The following CPNE4 variants were observed in gnomAD, a reference collection of about 807,000 sequenced individuals.
The protein encoded by CPNE4 is copine 4.
Under a neutral mutation model 67.9 loss-of-function variants are expected in CPNE4, and 25 were observed. The observed-to-expected ratio is 0.37, with a 90% CI of 0.27 to 0.51. CPNE4 has a LOEUF of 0.51. Ranked by LOEUF, CPNE4 falls within the 20% of genes least tolerant of loss-of-function variation. The pLI, the probability that CPNE4 is intolerant of heterozygous loss-of-function variation, is 0.93. For synonymous variants in CPNE4, 242 were observed against 244.9 expected (o/e 0.99, Z 0.11); for missense variants, 464 against 690.8 (o/e 0.67, Z 3.68).
intron 2 of CPNE4, among the ~76,000 whole-genome samples, chr3:131,760,498 G>C (rs1475986239): frequency 6.6e-6 from 1 of 152,104 alleles, no homozygotes; most frequent in Non-Finnish European, 1.5e-5. Flanking sequence ...ATCAAACTCA[G>C]GTTCCCATGT....
intron 11 of CPNE4, among the ~76,000 whole-genome samples, chr3:131,563,814 A>C (rs1193524541): frequency 6.6e-6 from 1 of 152,092 alleles, no homozygotes; most frequent in African/African-American, 2.4e-5. Flanking sequence ...CAGATGTAAT[A>C]ATGTCTAATA....
intron 1 of CPNE4, 119 bp downstream of exon 1, chr3:132,034,448 G>T: frequency 3.4e-6 from 1 of 290,748 alleles, no homozygotes; most frequent in Non-Finnish European, 5.1e-6. Context: ...TGACAAACGT[G>T]CAAAGGTGAG....
At chr3:131,974,366 T>G (rs2072587723) in intron 1 of CPNE4, among the ~76,000 whole-genome samples, 1 of 152,228 alleles carries the variant, frequency 6.6e-6, no homozygotes, top group Non-Finnish European at 1.5e-5. Flanking sequence ...CTACAGTGAA[T>G]GCACATGTAT....
chr3:131,986,837 A>AC (rs1173478731), intron 1 of CPNE4, among the ~76,000 whole-genome samples: 2 of 125,154 alleles, frequency 1.6e-5, no homozygotes, highest in Non-Finnish European at 3.4e-5. Context: ...TCTCAAAAAA[A>AC]AAAAACAAAA....
intron 9 of CPNE4, among the ~76,000 whole-genome samples, chr3:131,581,072 CT>C (rs145725906): frequency 0.036 from 5,469 of 152,164 alleles, 292 homozygotes; most frequent in African/African-American, 0.12. Flanking sequence ...AGTTGGGAGG[CT>C]GAGGCAGAAG....
At chr3:131,716,700 G>A (rs746297269) in intron 3 of CPNE4, among the ~76,000 whole-genome samples, 8 of 152,142 alleles carry the variant, frequency 5.3e-5, no homozygotes, top group Non-Finnish European at 1.2e-4. Flanking sequence ...CATGCCGGGG[G>A]CTCTGTTAAG....
chr3:131,983,999 C>T (rs2072975232), intron 1 of CPNE4, among the ~76,000 whole-genome samples: 1 of 152,156 alleles, frequency 6.6e-6, no homozygotes, highest in Admixed American at 6.6e-5. Flanking sequence ...CCAAAAGCAA[C>T]CAGAAGCATT....
intron 5 of CPNE4, among the ~76,000 whole-genome samples, chr3:131,695,682 A>G (rs1049682583): frequency 6.6e-6 from 1 of 152,236 alleles, no homozygotes; most frequent in Non-Finnish European, 1.5e-5. Flanking sequence ...CCCAACTGAC[A>G]TCTATGCACA....
chr3:131,843,731 C>G lies in CPNE4; in HGVS notation c.180+61533G>C, dbSNP rs867497770. On this transcript the variant is annotated intron_variant, in intron 2 of 15. Transcript: ENST00000429747. ...CAAGGAGATCTCCCTTGCAGGGTTC[C>G]TATGAGGATGAAATGATACTCCATA... Among the ~76,000 whole-genome samples, 17 of 152,230 alleles carry G rather than the reference C, an allele frequency of 1.1e-4. No homozygotes were observed. The Middle Eastern group carries it at 0.014, about 122-fold the overall frequency.
At chr3:131,615,222 T>C (rs1940067541) in intron 7 of CPNE4, among the ~76,000 whole-genome samples, 1 of 152,162 alleles carries the variant, frequency 6.6e-6, no homozygotes, top group African/African-American at 2.4e-5. Context: ...TACCAAGACA[T>C]GGAGAGAATC....
chr3:131,669,385 T>G (rs1458559830), intron 7 of CPNE4, among the ~76,000 whole-genome samples: 1 of 152,216 alleles, frequency 6.6e-6, no homozygotes, highest in Non-Finnish European at 1.5e-5. Context: ...ATTTTCATTT[T>G]AATAACTCTC....
intron 3 of CPNE4, among the ~76,000 whole-genome samples, chr3:131,717,973 CTCTG>C (rs1223927790): frequency 1.8e-4 from 24 of 136,818 alleles, no homozygotes; most frequent in African/African-American, 6.2e-4. Context: ...CTTTCTCTCT[CTCTG>C]TCTCTCTCTC....
intron 10 of CPNE4, among the ~76,000 whole-genome samples, chr3:131,568,440 A>T (rs556942034): frequency 6.6e-6 from 1 of 152,130 alleles, no homozygotes; most frequent in Admixed American, 6.5e-5. Flanking sequence ...CAGTGTGTGG[A>T]GGTGGCTACT....
chr3:131,978,084 T>A lies in CPNE4; in HGVS notation c.-2+56483A>T, dbSNP rs528299232. ...ATATATATAAATATATATAAATATA[T>A]ATAAATATATATATAAATATATATA... On this transcript the variant is annotated intron_variant, in intron 1 of 15. Coordinates refer to ENST00000429747, the MANE Select transcript of CPNE4 (RefSeq NM_130808.3). Among the ~76,000 whole-genome samples, 5 of 32,178 alleles carry A rather than the reference T, an allele frequency of 1.6e-4. No homozygotes were observed. In the South Asian group the frequency reaches 3.6e-3, roughly 23 times the overall value. The allele number at this position is 32,178 out of a possible 152,430, so 21.1% of individuals were successfully genotyped here. A position where few individuals can be genotyped will look rare whatever the true frequency, so the allele number is the denominator to read the frequency against.
chr3:131,575,657 G>T (rs528374624), intron 9 of CPNE4, among the ~76,000 whole-genome samples: 15 of 152,164 alleles, frequency 9.9e-5, no homozygotes, highest in Non-Finnish European at 2.2e-4. Flanking sequence ...CTGAATGACA[G>T]GTACTTAACA....
chr3:132,039,555 G>A (rs1220786432), upstream of CPNE4: 1 of 152,170 alleles, frequency 6.6e-6, no homozygotes, highest in Non-Finnish European at 1.5e-5. Flanking sequence ...GACTGAAAAA[G>A]CGTGTGTCTT....
rs2082856099 is a variant in CPNE4, at chr3:131,760,344, G to A, written c.181-36719C>T. On this transcript the variant is annotated intron_variant, in intron 2 of 15. Transcript: ENST00000429747. ...GCATCCTTGCTACTATTTGATAGAT[G>A]AAGAAAAAGAGGCTCAGGGAGGATT... Among the ~76,000 whole-genome samples the A allele has an allele frequency of 2.0e-5, 3 of 152,230 alleles. No homozygotes were observed. In the South Asian group the frequency reaches 6.2e-4, roughly 32 times the overall value.
chr3:131,806,549 CAAAA>C (rs58302207), intron 2 of CPNE4, among the ~76,000 whole-genome samples: 1 of 72,936 alleles, frequency 1.4e-5, no homozygotes, highest in Admixed American at 1.4e-4. Context: ...GACTCCGTCT[CAAAA>C]AAAAAAAAAA....
At chr3:132,038,393 C>CCT (rs34419542), upstream of CPNE4, among the ~76,000 whole-genome samples, 56,398 of 151,660 alleles carry the variant, frequency 0.37, 10,774 homozygotes, top group South Asian at 0.47. Context: ...TGGGTAACAA[C>CCT]CTGTGCTACG....
Sources: allele counts gnomAD v4.1 joint callset (sites outside exome capture counted in the v4.1 genomes callset), GRCh38; gene constraint gnomAD v4.1.1; transcripts MANE v1.5; gene names NCBI Gene and HGNC (gene_info 2026-07-23, HGNC 2026-07-21).